The following IVD variants were observed in gnomAD, a reference collection of about 807,000 sequenced individuals.
IVD encodes isovaleryl-CoA dehydrogenase.
In IVD, 31 loss-of-function variants were observed where a neutral mutation model predicts 51.3. The observed-to-expected ratio is 0.60, with a 90% confidence interval of 0.45 to 0.81. IVD has a LOEUF of 0.81. Ranked by LOEUF, IVD falls within the 40% of genes least tolerant of loss-of-function variation. The probability of loss-of-function intolerance (pLI) is 0.00; values close to 1 mark genes in which losing one functional copy is unlikely to be tolerated. For missense variants in IVD, 475 were observed against 552.0 expected (o/e 0.86, Z 1.40); for synonymous variants, 205 against 219.4 (o/e 0.93, Z 0.58).
rs1028185714 is a variant in IVD, at chr15:40,419,828, A to G, written c.*1565A>G. ...TGTCTCAAAAAATAATAGGCCAGGC[A>G]TGGTGGCTCAACGTCTGTAATCCCA... is the stretch of plus-strand genomic sequence containing the variant. On this transcript the variant is annotated 3_prime_UTR_variant, in exon 12 of 12. Transcript: ENST00000487418. 4.6e-5 allele frequency: 7 copies of G among 151,332 alleles called. No homozygotes were observed. The highest frequency in any genetic ancestry group is 1.7e-4 in the African/African-American group (7 of 40,928). The allele number at this position is 151,332 out of a possible 1,614,324, so 9.4% of individuals were successfully genotyped here.
Position 40,420,222 on chromosome 15 carries a change from G to A in IVD, c.*1959G>A. ...CTGGCTCCTCCTGTACAGCACCTCT[G>A]AGCCCTTGTGCACCGCCCTGCCACG... On this transcript the variant is annotated 3_prime_UTR_variant, in exon 12 of 12. Coordinates refer to ENST00000487418, the MANE Select transcript of IVD (RefSeq NM_002225.5). 1 of 986,678 alleles carries A rather than the reference G, an allele frequency of 1.0e-6. No homozygotes were observed. Among genetic ancestry groups the A allele is most frequent in the Middle Eastern group, 3.7e-4 (1 of 2,686 alleles). The allele number at this position is 986,678 out of a possible 1,614,324, so 61.1% of individuals were successfully genotyped here.
At chr15:40,413,253 C>A (rs1329541755) in intron 7 of IVD, 166 bp downstream of exon 7, 1 of 678,164 alleles carries the variant, frequency 1.5e-6, no homozygotes, top group Admixed American at 2.1e-5. Flanking sequence ...GCGCTCCTTC[C>A]TGGCCAGGGC....
At chr15:40,412,833 G>A (rs552425080) in intron 6 of IVD, among the ~76,000 whole-genome samples, 158 bp from the exon 7 acceptor site, 3 of 152,274 alleles carry the variant, frequency 2.0e-5, no homozygotes, top group South Asian at 2.1e-4. Context: ...CGTTAGCACC[G>A]GAAGGTCCCG....
At chr15:40,422,642 T>C (rs1166510), downstream of IVD, among the ~76,000 whole-genome samples, 76,793 of 118,500 alleles carry the variant, frequency 0.65, 25,186 homozygotes, top group East Asian at 0.81. Flanking sequence ...CTTTGTCATC[T>C]AGGCTGGAGT....
exon 9 of IVD, chr15:40,435,554 C>T: frequency 8.6e-7 from 1 of 1,161,754 alleles, no homozygotes; most frequent in Middle Eastern, 2.4e-4. Flanking sequence ...CGTGCTGCTC[C>T]CCCAACTCGC....
At chr15:40,421,369 C>T (rs1339519983), downstream of IVD, 82 of 985,300 alleles carry the variant, frequency 8.3e-5, no homozygotes, top group East Asian at 2.3e-4. Flanking sequence ...TTCTTGTGGG[C>T]GTGTTTGGTT....
At position 40,420,669 on chromosome 15, in the gene IVD, T is replaced by TA. The variant is rs1349357049; in HGVS notation, c.*2407dup. 1.4e-5 allele frequency: 14 copies of TA among 987,446 alleles called. No individual in the cohort carries two copies. Among genetic ancestry groups the TA allele is most frequent in the Middle Eastern group, 2.9e-4 (1 of 3,398 alleles). The allele number at this position is 987,446 out of a possible 1,614,324, so 61.2% of individuals were successfully genotyped here. A position where few individuals can be genotyped will look rare whatever the true frequency, so the allele number is the denominator to read the frequency against. On this transcript the variant is annotated 3_prime_UTR_variant, in exon 12 of 12. Transcript: ENST00000487418. ...CAGGGAGCCCAGAGTGCTAAGTTCT[T>TA]ACAGCCAGAAGGAAGCTTATAGATT... is the stretch of plus-strand genomic sequence containing the variant.
chr15:40,424,899 G>T (rs1892577630), downstream of IVD, among the ~76,000 whole-genome samples: 1 of 152,186 alleles, frequency 6.6e-6, no homozygotes, highest in Non-Finnish European at 1.5e-5. Flanking sequence ...TGACAGGTGG[G>T]CCAGAGCCCT....
At chr15:40,424,323 G>A (rs1404747122), downstream of IVD, 2 of 541,786 alleles carry the variant, frequency 3.7e-6, no homozygotes, top group African/African-American at 2.0e-5. Context: ...TTGTTGCAAG[G>A]AGTCCTCACT....
chr15:40,411,404 A>G (rs1170774898), intron 5 of IVD, 51 bp downstream of exon 5: 2 of 1,604,364 alleles, frequency 1.2e-6, no homozygotes, highest in South Asian at 1.1e-5. Context: ...TACAGACATT[A>G]TCAGGATAAT....
downstream of IVD, among the ~76,000 whole-genome samples, chr15:40,426,304 G>A (rs887242102): frequency 1.3e-5 from 2 of 152,038 alleles, no homozygotes; most frequent in Admixed American, 1.3e-4. Flanking sequence ...TTGGGAGGCC[G>A]AGGCGGGTGG....
intron 5 of IVD, 54 bp from the exon 6 acceptor site, chr15:40,411,501 C>G: frequency 6.2e-7 from 1 of 1,613,434 alleles, no homozygotes; most frequent in Non-Finnish European, 8.5e-7. Context: ...GGTCTATGGC[C>G]TGGCTGAGAC....
At position 40,418,924 on chromosome 15, in the gene IVD, G is replaced by A; in HGVS notation, c.*661G>A. On this transcript the variant is annotated 3_prime_UTR_variant, in exon 12 of 12. Transcript: ENST00000487418. ...GAGATGGGTGGATCACCTGAGGTCA[G>A]GAGTTCAAGACCAGCCTGGCCAACA... is the stretch of plus-strand genomic sequence containing the variant. 1 of 507,938 alleles carries A rather than the reference G, an allele frequency of 2.0e-6. No individual in the cohort carries two copies. The highest frequency in any genetic ancestry group is 3.1e-6 in the Non-Finnish European group (1 of 324,280). 31.5% of individuals were successfully genotyped at this position (507,938 alleles called of 1,614,324 possible).
chr15:40,435,438 A>T, exon 9 of IVD: 2 of 1,230,998 alleles, frequency 1.6e-6, no homozygotes, highest in Non-Finnish European at 2.1e-6. Context: ...TCCGCCCAAC[A>T]CCCACCTGGG....
At chr15:40,415,276 TG>T in intron 8 of IVD, 124 bp from the exon 9 acceptor site, 1 of 899,182 alleles carries the variant, frequency 1.1e-6, no homozygotes, top group Non-Finnish European at 1.8e-6. Context: ...GCCGTAACTG[TG>T]GCAAGACTTT....
Position 40,406,038 on chromosome 15 carries a change from C to T in IVD, c.144+67C>T. Reference sequence around the variant, plus strand: ...CTGCCTGGTCCCCAAGGCCTCCTTCCTGCCTGGTCCCCATCGGCCCAGCGC... The same window carrying T: ...CTGCCTGGTCCCCAAGGCCTCCTTCTTGCCTGGTCCCCATCGGCCCAGCGC... On this transcript the variant is annotated intron_variant, in intron 1 of 11. Transcript: ENST00000487418. 12 of 1,550,194 alleles carry T rather than the reference C, an allele frequency of 7.7e-6. No individual in the cohort carries two copies. The South Asian group carries it at 1.1e-4, about 14-fold the overall frequency.
At chr15:40,431,275 T>G (rs1246483949) in intron 7 of IVD, among the ~76,000 whole-genome samples, 5 of 152,018 alleles carry the variant, frequency 3.3e-5, no homozygotes, top group Admixed American at 6.6e-5. Context: ...TGAGCCACCG[T>G]GCCCAGCCGG....
At chr15:40,415,325 C>A in intron 8 of IVD, 76 bp from the exon 9 acceptor site, 1 of 1,284,876 alleles carries the variant, frequency 7.8e-7, no homozygotes, top group South Asian at 1.2e-5. Context: ...TTCTGGCCTT[C>A]CCACGCTAGC....
At chr15:40,406,241 C>T in intron 1 of IVD, 2 of 1,490,368 alleles carry the variant, frequency 1.3e-6, no homozygotes, top group Non-Finnish European at 1.8e-6. Context: ...GCTGGGAGAG[C>T]TCCTGAGAGA....
Sources: allele counts gnomAD v4.1 joint callset (sites outside exome capture counted in the v4.1 genomes callset), GRCh38; gene constraint gnomAD v4.1.1; transcripts MANE v1.5; gene names NCBI Gene and HGNC (gene_info 2026-07-23, HGNC 2026-07-21).